Variants in GPR137C observed in about 807,000 individuals in gnomAD.
The protein encoded by GPR137C is G protein-coupled receptor 137C.
In GPR137C, 27 loss-of-function variants were observed where a neutral mutation model predicts 43.4. The ratio of observed to expected loss-of-function variants is 0.62; its 90% CI spans 0.46 to 0.86. GPR137C has a LOEUF of 0.86. GPR137C is among the 40% of genes least tolerant of loss of function. GPR137C has a pLI of 0.00. For missense variants in GPR137C, 522 were observed against 534.6 expected, an observed-to-expected ratio of 0.98 and a Z score of 0.23; for synonymous variants, 285 against 226.9, an observed-to-expected ratio of 1.26 and a Z score of -2.30.
chr14:52,562,682 C>G (rs943630318), intron 1 of GPR137C, among the ~76,000 whole-genome samples: 1 of 152,016 alleles, frequency 6.6e-6, no homozygotes, highest in Non-Finnish European at 1.5e-5. Flanking sequence ...GGAAGAAATT[C>G]CAATGGCATT....
intron 3 of GPR137C, among the ~76,000 whole-genome samples, chr14:52,625,844 G>T (rs2039219868): frequency 6.6e-6 from 1 of 151,972 alleles, no homozygotes; most frequent in Admixed American, 6.6e-5. Context: ...GTGAGCCACT[G>T]CGCCCGGCCA....
intron 1 of GPR137C, among the ~76,000 whole-genome samples, chr14:52,591,293 C>T (rs1003711828): frequency 6.6e-6 from 1 of 152,092 alleles, no homozygotes; most frequent in Middle Eastern, 3.2e-3. Flanking sequence ...AGTAAACATA[C>T]ATGTGCATTG....
chr14:52,557,542 A>G (rs895296514), intron 1 of GPR137C, among the ~76,000 whole-genome samples: 9 of 152,326 alleles, frequency 5.9e-5, no homozygotes, highest in Admixed American at 2.0e-4. Flanking sequence ...ACTTTTATCC[A>G]TAACTGACTA....
intron 1 of GPR137C, among the ~76,000 whole-genome samples, chr14:52,578,239 T>G (rs2038593097): frequency 6.6e-6 from 1 of 152,204 alleles, no homozygotes; most frequent in African/African-American, 2.4e-5. Flanking sequence ...TAGGGAGACA[T>G]TCTCGTATTT....
intron 4 of GPR137C, 26 bp downstream of exon 4, chr14:52,632,335 T>A: frequency 1.3e-6 from 2 of 1,550,828 alleles, no homozygotes; most frequent in Non-Finnish European, 1.8e-6. Flanking sequence ...GTATTGCCAG[T>A]CTAACAATGT....
chr14:52,586,071 G>A (rs758390015), intron 1 of GPR137C, among the ~76,000 whole-genome samples: 9 of 152,212 alleles, frequency 5.9e-5, no homozygotes, highest in Non-Finnish European at 1.3e-4. Flanking sequence ...ATTCTAGAGT[G>A]TAAGCAAATC....
In GPR137C at chr14:52,600,287, T is replaced by C. The variant is rs983908924; in HGVS notation, c.663T>C (p.Cys221=). 5 of 1,613,058 alleles carry C rather than the reference T, an allele frequency of 3.1e-6. No homozygotes were observed. The African/African-American group carries it at 5.3e-5, about 17-fold the overall frequency. The part of the protein sequence containing the change: ...LFILCAISLV[C]YICKITKMSS... The stretch of plus-strand genomic sequence containing the variant: ...TTCTTTGTGCCATCTCTTTAGTGTG[T>C]TACATATGCAAAATTACAAAAATGT... The change falls in exon 3 of 7, where the codon TGT becomes TGC. Residue 221 remains cysteine, a synonymous_variant. Transcript: ENST00000321662.
At chr14:52,590,753 T>C (rs1490682821) in intron 1 of GPR137C, among the ~76,000 whole-genome samples, 1 of 152,220 alleles carries the variant, frequency 6.6e-6, no homozygotes, top group Non-Finnish European at 1.5e-5. Context: ...CCTAGGTATG[T>C]AGTAGGCTAT....
At chr14:52,614,837 T>C (rs2039080941) in intron 3 of GPR137C, among the ~76,000 whole-genome samples, 1 of 152,204 alleles carries the variant, frequency 6.6e-6, no homozygotes, top group African/African-American at 2.4e-5. Flanking sequence ...GAGTTTGAGT[T>C]CCTCATATAT....
intron 1 of GPR137C, among the ~76,000 whole-genome samples, chr14:52,579,646 A>G (rs559619176): frequency 6.6e-6 from 1 of 152,324 alleles, no homozygotes; most frequent in East Asian, 1.9e-4. Context: ...CAGTGAAAGG[A>G]CGTAGAGTCA....
intron 3 of GPR137C, among the ~76,000 whole-genome samples, chr14:52,607,510 T>C (rs1238959559): frequency 6.6e-6 from 1 of 152,220 alleles, no homozygotes; most frequent in Non-Finnish European, 1.5e-5. Context: ...ATTGTTGTCA[T>C]GTCTTCTTGC....
intron 3 of GPR137C, among the ~76,000 whole-genome samples, chr14:52,619,012 G>A (rs893608407): frequency 2.6e-5 from 4 of 152,216 alleles, no homozygotes; most frequent in African/African-American, 9.6e-5. Flanking sequence ...TCAGCCATTT[G>A]CAAATAATAC....
chr14:52,554,473 GT>G (rs1331448458), intron 1 of GPR137C, among the ~76,000 whole-genome samples: 1 of 152,128 alleles, frequency 6.6e-6, no homozygotes, highest in Non-Finnish European at 1.5e-5. Context: ...TTTCAAACAG[GT>G]TTGGGAGTGT....
At chr14:52,587,206 A>G (rs1367639105) in intron 1 of GPR137C, among the ~76,000 whole-genome samples, 2 of 152,230 alleles carry the variant, frequency 1.3e-5, no homozygotes, top group Non-Finnish European at 2.9e-5. Flanking sequence ...ATTGGGCTCT[A>G]TATCTGAGTA....
chr14:52,601,517 G>A (rs1313211356), intron 3 of GPR137C, among the ~76,000 whole-genome samples: 1 of 151,400 alleles, frequency 6.6e-6, no homozygotes, highest in African/African-American at 2.4e-5. Context: ...TATAGAGAGA[G>A]AGAGAGAGAA....
At chr14:52,589,933 G>T (rs560276172) in intron 1 of GPR137C, among the ~76,000 whole-genome samples, 1 of 152,104 alleles carries the variant, frequency 6.6e-6, no homozygotes, top group African/African-American at 2.4e-5. Flanking sequence ...GATAATAAAT[G>T]ATTATGTTAC....
At chr14:52,589,886 G>C (rs1012233040) in intron 1 of GPR137C, among the ~76,000 whole-genome samples, 2 of 152,126 alleles carry the variant, frequency 1.3e-5, no homozygotes, top group African/African-American at 4.8e-5. Flanking sequence ...GGGTATAAAA[G>C]TGTAGCACAT....
At chr14:52,630,309 A>C (rs2039279804) in intron 3 of GPR137C, among the ~76,000 whole-genome samples, 1 of 152,130 alleles carries the variant, frequency 6.6e-6, no homozygotes, top group Non-Finnish European at 1.5e-5. Flanking sequence ...ATATTTCCCA[A>C]AGCAGTGCAT....
chr14:52,566,608 A>G (rs2038373999), intron 1 of GPR137C, among the ~76,000 whole-genome samples: 1 of 152,256 alleles, frequency 6.6e-6, no homozygotes, highest in Non-Finnish European at 1.5e-5. Flanking sequence ...AACTTAAGTC[A>G]GAATAGAGCA....
Sources: allele counts gnomAD v4.1 joint callset (sites outside exome capture counted in the v4.1 genomes callset), GRCh38; gene constraint gnomAD v4.1.1; transcripts MANE v1.5; gene names NCBI Gene and HGNC (gene_info 2026-07-23, HGNC 2026-07-21).